RFX7: variants seen among roughly 807,000 people sequenced by gnomAD.
RFX7 encodes regulatory factor X7.
Under a neutral mutation model 111.8 loss-of-function variants are expected in RFX7, and 26 were observed. The ratio of observed to expected loss-of-function variants is 0.23; its 90% CI spans 0.17 to 0.32. The LOEUF (loss-of-function observed/expected upper bound fraction) is 0.32, where lower values mean the gene tolerates loss of function less well. Ranked by LOEUF, RFX7 falls within the 10% of genes least tolerant of loss-of-function variation. The pLI is 1.00. For missense variants in RFX7, 1,573 were observed against 1,772.9 expected, an observed-to-expected ratio of 0.89 and a Z score of 2.02; for synonymous variants, 624 against 624.4, an observed-to-expected ratio of 1.00 and a Z score of 0.01.
intron 3 of RFX7, among the ~76,000 whole-genome samples, chr15:56,156,036 C>T (rs180993226): frequency 9.2e-5 from 14 of 152,168 alleles, no homozygotes; most frequent in African/African-American, 7.2e-5. Context: ...GTTTACTACA[C>T]ATGAACCTGC....
chr15:56,166,809 T>C (rs1196658430), intron 3 of RFX7, among the ~76,000 whole-genome samples: 4 of 152,168 alleles, frequency 2.6e-5, no homozygotes, highest in Non-Finnish European at 4.4e-5. Flanking sequence ...GACTGTACTG[T>C]GGCGGCACAA....
intron 2 of RFX7, among the ~76,000 whole-genome samples, chr15:56,218,294 G>T (rs1347217997): frequency 6.6e-6 from 1 of 151,212 alleles, no homozygotes; most frequent in African/African-American, 2.4e-5. Flanking sequence ...CCATGCCCAA[G>T]TAATGTTTTG....
chr15:56,218,618 G>A (rs1373780953), intron 2 of RFX7, among the ~76,000 whole-genome samples: 6 of 152,184 alleles, frequency 3.9e-5, no homozygotes. Flanking sequence ...AGGCATGGCA[G>A]TAGTTATTCT....
chr15:56,110,285 C>CT (rs2041903311), intron 5 of RFX7, among the ~76,000 whole-genome samples: 10 of 92,268 alleles, frequency 1.1e-4, no homozygotes, highest in African/African-American at 1.6e-4. Context: ...GTCAGCCCCC[C>CT]GCCTGGCCAG....
intron 3 of RFX7, among the ~76,000 whole-genome samples, chr15:56,162,409 G>A (rs576703890): frequency 1.3e-5 from 2 of 152,106 alleles, no homozygotes; most frequent in African/African-American, 4.8e-5. Context: ...TTCCATCAGA[G>A]CACACTTTTG....
intron 3 of RFX7, among the ~76,000 whole-genome samples, chr15:56,166,112 G>C (rs545277884): frequency 3.3e-5 from 5 of 152,232 alleles, no homozygotes; most frequent in African/African-American, 1.2e-4. Flanking sequence ...ATATTGCTCA[G>C]GCTAGTCTCA....
Position 56,140,876 on chromosome 15 carries a change from G to A in RFX7, c.401+1902C>T, listed in dbSNP as rs79263985. Among the ~76,000 whole-genome samples the A allele has an allele frequency of 5.1e-3, 782 of 152,236 alleles. 25 individuals carry two copies. The highest frequency in any genetic ancestry group is 0.048 in the East Asian group (247 of 5,180). On this transcript the variant is annotated intron_variant, in intron 5 of 9. Transcript: ENST00000559447. The stretch of plus-strand genomic sequence containing the variant: ...TCTTGCCAAAGGCAGAAAACTTTTA[G>A]GAATATAAGGACTGCTTTCATGGGC...
intron 2 of RFX7, among the ~76,000 whole-genome samples, chr15:56,237,340 G>A (rs2043634836): frequency 6.6e-6 from 1 of 152,126 alleles, no homozygotes; most frequent in African/African-American, 2.4e-5. Flanking sequence ...ACAAGTGAAT[G>A]GGCATTCCTC....
intron 2 of RFX7, among the ~76,000 whole-genome samples, chr15:56,238,164 T>G (rs2038177498): frequency 6.6e-6 from 1 of 152,170 alleles, no homozygotes; most frequent in South Asian, 2.1e-4. Flanking sequence ...AGAATAAAAC[T>G]GAACCACTGC....
At position 56,094,836 on chromosome 15, in the gene RFX7, C is replaced by T. The variant is rs779461554; in HGVS notation, c.2892G>A (p.Pro964=). The T allele has an allele frequency of 6.4e-6, 10 of 1,562,856 alleles. No homozygotes were observed. The highest frequency in any genetic ancestry group is 2.4e-5 in the South Asian group (2 of 83,378). Residue 964 remains proline, a synonymous_variant, in exon 10 of 10, where the codon CCG becomes CCA. Coordinates refer to ENST00000559447, the MANE Select transcript of RFX7 (RefSeq NM_022841.7). ...PTPTPTPTPT[P]TSEMIAGSQS... is the part of the protein sequence containing the mutation. ...GAGATCCAGCAATCATTTCAGATGTCGGGGTTGGGGTTGGGGTTGGAGTAG... is the reference window on the plus strand; with the variant it reads ...GAGATCCAGCAATCATTTCAGATGTTGGGGTTGGGGTTGGGGTTGGAGTAG...
rs1363779114 is a variant in RFX7, at chr15:56,093,613, T to C, written c.4115A>G (p.Asp1372Gly). The change falls in exon 10 of 10, where the codon GAT (aspartate) becomes GGT (glycine). Residue 1372 changes from aspartate to glycine, a missense_variant. Physicochemically the swap from Asp to Gly is moderately conservative, Grantham distance 94. This residue lies in a region of RFX7 where 411 missense variants were observed against 478.1 expected (regional missense o/e 0.86). Coordinates refer to ENST00000559447, the MANE Select transcript of RFX7 (RefSeq NM_022841.7). ...NQQLVGQGAS[D>G]LTNTASDFSS... ...GAAATCAGATGCAGTATTAGTGAGA[T>C]CAGATGCTCCCTGACCTACCAGCTG... The C allele has an allele frequency of 6.2e-7, 1 of 1,613,816 alleles. No homozygotes were observed. Among genetic ancestry groups the C allele is most frequent in the South Asian group, 1.1e-5 (1 of 91,070 alleles).
intron 5 of RFX7, among the ~76,000 whole-genome samples, chr15:56,137,257 G>A (rs1379841672): frequency 1.3e-5 from 2 of 152,000 alleles, no homozygotes; most frequent in Non-Finnish European, 2.9e-5. Flanking sequence ...GACTCTTTTT[G>A]GTTGGTAAGC....
chr15:56,110,359 G>A (rs2041906753), intron 5 of RFX7, among the ~76,000 whole-genome samples: 1 of 111,648 alleles, frequency 9.0e-6, no homozygotes, highest in African/African-American at 3.2e-5. Flanking sequence ...CGCCTCGTCC[G>A]GGAGGGAGGT....
At position 56,092,791 on chromosome 15, in the gene RFX7, T is replaced by C. The variant is rs1295477070; in HGVS notation, c.*554A>G. 6.6e-6 allele frequency: 1 copy of C among 152,634 alleles called. No individual in the cohort carries two copies. Among genetic ancestry groups the C allele is most frequent in the Non-Finnish European group, 1.5e-5 (1 of 68,048 alleles). 9.5% of individuals were successfully genotyped at this position (152,634 alleles called of 1,614,324 possible). A position where few individuals can be genotyped will look rare whatever the true frequency, so the allele number is the denominator to read the frequency against. ...CATTATTTTCTATTTAAGCCCTTCA[T>C]CGTGGGTGTAAATGGTACTGAAGCC... On this transcript the variant is annotated 3_prime_UTR_variant, in exon 10 of 10. Coordinates refer to ENST00000559447, the MANE Select transcript of RFX7 (RefSeq NM_022841.7).
intron 2 of RFX7, among the ~76,000 whole-genome samples, chr15:56,203,864 G>T (rs994722953): frequency 1.3e-5 from 2 of 152,082 alleles, no homozygotes; most frequent in Non-Finnish European, 2.9e-5. Context: ...TCCTCAGGGC[G>T]TCTCTGTCTA....
At chr15:56,141,665 A>ATATATATATATATATATATATATATC (rs2042399050) in intron 5 of RFX7, among the ~76,000 whole-genome samples, 2 of 129,950 alleles carry the variant, frequency 1.5e-5, no homozygotes, top group African/African-American at 3.2e-5. Flanking sequence ...AAATATATAT[A>ATATATATATATATATATATATATATC]TATATATATA....
In RFX7 at chr15:56,102,257, A is replaced by G; in HGVS notation, c.519-4T>C. ...TCTTAGTCCACTGTAGCAATATGTA[A>G]TAAACAGTTAAGGTCTAAATATTCA... On this transcript the variant is annotated splice_polypyrimidine_tract_variant and splice_region_variant and intron_variant, in intron 6 of 9. Coordinates refer to ENST00000559447, the MANE Select transcript of RFX7 (RefSeq NM_022841.7). The G allele has an allele frequency of 6.3e-7, 1 of 1,580,040 alleles. No individual in the cohort carries two copies. The highest frequency in any genetic ancestry group is 2.2e-5 in the East Asian group (1 of 44,644).
intron 2 of RFX7, among the ~76,000 whole-genome samples, chr15:56,186,122 TATTTTACCCTTCTACATGCCCTGAGCA>T (rs1247352228): frequency 6.6e-6 from 1 of 152,202 alleles, no homozygotes; most frequent in Non-Finnish European, 1.5e-5. Context: ...CTGGTTCTCA[TATTTTACCCTTCTACATGCCCTGAGCA>T]AACAGCAAGC....
chr15:56,099,350 C>T (rs772094040), intron 8 of RFX7, among the ~76,000 whole-genome samples: 4 of 152,130 alleles, frequency 2.6e-5, no homozygotes, highest in African/African-American at 4.8e-5. Context: ...ATAACTCTCT[C>T]CCCATACTCA....
Sources: allele counts gnomAD v4.1 joint callset (sites outside exome capture counted in the v4.1 genomes callset), GRCh38; gene constraint gnomAD v4.1.1; regional missense constraint gnomAD v4.1.1; transcripts MANE v1.5; gene names NCBI Gene and HGNC (gene_info 2026-07-23, HGNC 2026-07-21).